The following CCKBR variants were observed in gnomAD, a reference collection of about 807,000 sequenced individuals.
The protein encoded by CCKBR is gastrin/cholecystokinin type B receptor.
Under a neutral mutation model 34.6 loss-of-function variants are expected in CCKBR, and 33 were observed. That is an observed-to-expected ratio of 0.95 (90% CI 0.72 to 1.27). The LOEUF is 1.27. CCKBR is among the 50% of genes most tolerant of loss of function. The probability of loss-of-function intolerance (pLI) is 0.00; values close to 1 mark genes in which losing one functional copy is unlikely to be tolerated. For missense variants in CCKBR, 652 were observed against 617.4 expected (o/e 1.06, Z -0.59); for synonymous variants, 269 against 267.5 (o/e 1.01, Z -0.06).
intron 1 of CCKBR, among the ~76,000 whole-genome samples, chr11:6,268,942 G>A (rs994559013): frequency 6.6e-6 from 1 of 152,120 alleles, no homozygotes; most frequent in African/African-American, 2.4e-5. Context: ...GTTGTGAGGA[G>A]GGTTGGTAAA....
intron 1 of CCKBR, among the ~76,000 whole-genome samples, chr11:6,260,675 A>C (rs1361863764): frequency 1.3e-5 from 2 of 152,102 alleles, no homozygotes. Context: ...TCCTTCTCAA[A>C]CCCCTCTGCC....
At chr11:6,264,629 A>C in intron 1 of CCKBR, 1 of 680,050 alleles carries the variant, frequency 1.5e-6, no homozygotes, top group Admixed American at 2.1e-5. Flanking sequence ...GATGTACCCC[A>C]GCAGGTGCTA....
intron 1 of CCKBR, among the ~76,000 whole-genome samples, chr11:6,261,343 C>T: frequency 6.6e-6 from 1 of 150,450 alleles, no homozygotes; most frequent in Admixed American, 6.7e-5. Flanking sequence ...CTAGCCCAGC[C>T]CAGCCTCCTT....
At chr11:6,264,163 A>G (rs1848176436) in intron 1 of CCKBR, among the ~76,000 whole-genome samples, 3 of 152,098 alleles carry the variant, frequency 2.0e-5, no homozygotes, top group Non-Finnish European at 4.4e-5. Context: ...TATGCCCAAC[A>G]CTCACTCTGA....
At chr11:6,266,601 A>G (rs1036062655) in intron 1 of CCKBR, among the ~76,000 whole-genome samples, 29 of 152,302 alleles carry the variant, frequency 1.9e-4, no homozygotes, top group African/African-American at 6.7e-4. Flanking sequence ...GGGATCAGGG[A>G]CTTGGCTTCT....
intron 3 of CCKBR, 69 bp downstream of exon 3, chr11:6,270,406 CA>C (rs1198139771): frequency 5.2e-6 from 8 of 1,533,776 alleles, no homozygotes; most frequent in Admixed American, 1.8e-5. Context: ...GACCATTGCC[CA>C]GAATCTTCCT....
At chr11:6,261,677 GA>G (rs2133894114) in intron 1 of CCKBR, among the ~76,000 whole-genome samples, 1 of 152,248 alleles carries the variant, frequency 6.6e-6, no homozygotes, top group Admixed American at 6.5e-5. Context: ...ACAGGCTGGA[GA>G]CCAGCCTAGA....
intron 1 of CCKBR, among the ~76,000 whole-genome samples, chr11:6,268,764 G>C (rs1464721966): frequency 6.6e-6 from 1 of 152,204 alleles, no homozygotes; most frequent in Non-Finnish European, 1.5e-5. Context: ...AGTAAAATAG[G>C]CTGTAATAGT....
intron 1 of CCKBR, among the ~76,000 whole-genome samples, chr11:6,265,367 A>G (rs193071749): frequency 1.3e-5 from 2 of 152,348 alleles, no homozygotes; most frequent in Admixed American, 1.3e-4. Flanking sequence ...GTCTATCACA[A>G]TTAGCCAAGT....
rs1325393686 is a variant in CCKBR at position 6,270,636 on chromosome 11, T to C, written c.654-10T>C. On this transcript the variant is annotated splice_polypyrimidine_tract_variant and intron_variant, in intron 3 of 4. Coordinates refer to ENST00000334619, the MANE Select transcript of CCKBR (RefSeq NM_176875.4). Reference sequence around the variant, plus strand: ...CAGAAACCCGAGTGATCTGTCTGTGTTGCCTTCAGGTCCGTACTGCTGCTT... The same window carrying C: ...CAGAAACCCGAGTGATCTGTCTGTGCTGCCTTCAGGTCCGTACTGCTGCTT... 2 of 1,592,358 alleles carry C rather than the reference T, an allele frequency of 1.3e-6. No homozygotes were observed. The highest frequency in any genetic ancestry group is 2.2e-5 in the East Asian group (1 of 44,460).
intron 1 of CCKBR, among the ~76,000 whole-genome samples, chr11:6,262,754 C>A (rs762402895): frequency 6.7e-6 from 1 of 148,932 alleles, no homozygotes; most frequent in African/African-American, 2.5e-5. Flanking sequence ...CCAAAAATAG[C>A]ATGAGATTGA....
intron 1 of CCKBR, among the ~76,000 whole-genome samples, chr11:6,267,064 T>C (rs1848220423): frequency 6.6e-6 from 1 of 152,202 alleles, no homozygotes; most frequent in African/African-American, 2.4e-5. Flanking sequence ...TTAATGGAAC[T>C]TGCAGGAGTA....
At chr11:6,262,289 T>G (rs1848146024) in intron 1 of CCKBR, among the ~76,000 whole-genome samples, 1 of 152,108 alleles carries the variant, frequency 6.6e-6, no homozygotes, top group Non-Finnish European at 1.5e-5. Flanking sequence ...GTTAAAATCA[T>G]AAAATTTTGT....
intron 1 of CCKBR, among the ~76,000 whole-genome samples, chr11:6,261,452 A>AAAAAAATATAT (rs1564884679): frequency 2.1e-5 from 1 of 46,802 alleles, no homozygotes; most frequent in Non-Finnish European, 4.3e-5. Flanking sequence ...AAAAAAAAAA[A>AAAAAAATATAT]AAATATATAT....
chr11:6,271,283 G>T lies in CCKBR; in HGVS notation c.1084G>T (p.Gly362Cys). 6.2e-7 allele frequency: 1 copy of T among 1,614,222 alleles called. No individual in the cohort carries two copies. The highest frequency in any genetic ancestry group is 8.5e-7 in the Non-Finnish European group (1 of 1,180,042). The change falls in exon 5 of 5, where the codon GGT becomes TGT. Residue 362 changes from glycine (G) to cysteine (C), a missense_variant. Transcript: ENST00000334619. ...CACGTGGCGCGCCTTTGATGGCCCG[G>T]GTGCACACCGAGCACTCTCGGGTGC... ...ANTWRAFDGP[G>C]AHRALSGAPI...
At position 6,270,086 on chromosome 11, in the gene CCKBR, A is replaced by C; in HGVS notation, c.404-2A>C. The C allele has an allele frequency of 6.2e-7, 1 of 1,601,802 alleles. No individual in the cohort carries two copies. The highest frequency in any genetic ancestry group is 8.5e-7 in the Non-Finnish European group (1 of 1,171,506). ...CTCCTTCCTTTCTCTTCCCTTGTTT[A>C]GGGGTGTCTGTGAGTGTGTCCACGC... On this transcript the variant is annotated splice_acceptor_variant, in intron 2 of 4. Coordinates refer to ENST00000334619, the MANE Select transcript of CCKBR (RefSeq NM_176875.4). LOFTEE classifies it high-confidence loss of function.
At chr11:6,269,631 C>T (rs199730768) in intron 1 of CCKBR, 38 bp from the exon 2 acceptor site, 6 of 1,602,036 alleles carry the variant, frequency 3.7e-6, no homozygotes, top group South Asian at 2.2e-5. Context: ...TGAATGAAGG[C>T]TGACCCCCTA....
At chr11:6,270,464 C>A in intron 3 of CCKBR, 127 bp downstream of exon 3, 1 of 1,413,354 alleles carries the variant, frequency 7.1e-7, no homozygotes, top group Non-Finnish European at 9.6e-7. Flanking sequence ...CTGCATCCAC[C>A]ACCCTGGAGT....
intron 1 of CCKBR, chr11:6,264,336 A>G: frequency 1.8e-6 from 1 of 568,628 alleles, no homozygotes; most frequent in Non-Finnish European, 3.1e-6. Context: ...TGAACAGATC[A>G]AACCTGCCAG....
Sources: gnomAD v4.1 joint callset for allele counts (sites outside exome capture counted in the v4.1 genomes callset) on GRCh38, gnomAD v4.1.1 for gene constraint, MANE v1.5 for transcripts, NCBI Gene and HGNC (gene_info 2026-07-23, HGNC 2026-07-21) for gene names.